Variants in OR6C1 observed in about 807,000 individuals in gnomAD.
The protein encoded by OR6C1 is olfactory receptor 6C1.
For missense variants in OR6C1, 386 were observed against 366.1 expected (o/e 1.05, Z -0.44); for synonymous variants, 157 against 133.3 (o/e 1.18, Z -1.22).
intron 1 of OR6C1, among the ~76,000 whole-genome samples, chr12:55,320,126 G>A (rs561504119): frequency 5.9e-5 from 9 of 152,188 alleles, no homozygotes; most frequent in Non-Finnish European, 1.2e-4. Context: ...GGGTGACAGA[G>A]TGAGACTCCA....
Position 55,320,572 on chromosome 12 carries a change from G to T in OR6C1, c.-28G>T. ...CTTTGTACTTTCTCTTGTAGGTCTG[G>T]CAGGGGAAAAAAGAAAGCAACTGAA... is the stretch of plus-strand genomic sequence containing the variant. On this transcript the variant is annotated 5_prime_UTR_variant, in exon 2 of 2. Coordinates refer to ENST00000642104, the MANE Select transcript of OR6C1 (RefSeq NM_001005182.2). 1.5e-6 allele frequency: 2 copies of T among 1,318,730 alleles called. No homozygotes were observed. Among genetic ancestry groups the T allele is most frequent in the African/African-American group, 2.9e-5 (2 of 68,800 alleles). The allele number at this position is 1,318,730 out of a possible 1,614,324, so 81.7% of individuals were successfully genotyped here.
At chr12:55,315,744 C>T (rs1305894653) in intron 1 of OR6C1, among the ~76,000 whole-genome samples, 1 of 151,572 alleles carries the variant, frequency 6.6e-6, no homozygotes, top group Non-Finnish European at 1.5e-5. Flanking sequence ...CAGAATTTCT[C>T]AAAGTAACCC....
rs771219666 is a variant in OR6C1 at position 55,321,422 on chromosome 12, C to T, written c.823C>T (p.Leu275=). The change falls in exon 2 of 2, where the codon CTA becomes TTA. Residue 275 remains leucine, a synonymous_variant. Transcript: ENST00000642104. ...GTCCTTGAGCAAGGGAGTGGCAATA[C>T]TAAACACCTCAGTAGCCCCCATGAT... ...RVSLSKGVAI[L]NTSVAPMMNP... The T allele has an allele frequency of 3.1e-6, 5 of 1,613,638 alleles. No individual in the cohort carries two copies. The highest frequency in any genetic ancestry group is 2.2e-5 in the East Asian group (1 of 44,874).
At chr12:55,320,501 GCTCCGTA>G (rs1342774078) in intron 1 of OR6C1, 59 bp from the exon 2 acceptor site, 1 of 722,162 alleles carries the variant, frequency 1.4e-6, no homozygotes, top group Admixed American at 2.7e-5. Flanking sequence ...CCAAACTCCA[GCTCCGTA>G]CTTGGATATT....
At chr12:55,319,034 C>T (rs546108940) in intron 1 of OR6C1, among the ~76,000 whole-genome samples, 1 of 152,036 alleles carries the variant, frequency 6.6e-6, no homozygotes, top group Admixed American at 6.5e-5. Context: ...TGAGGGCATC[C>T]TTCTCAAATT....
In OR6C1 at chr12:55,321,169, A is replaced by T; in HGVS notation, c.570A>T (p.Thr190=). The change falls in exon 2 of 2, where the codon ACA becomes ACT. Residue 190 remains threonine (T), a synonymous_variant. Coordinates refer to ENST00000642104, the MANE Select transcript of OR6C1 (RefSeq NM_001005182.2). ...TGCTGCAACTTGCTTGTTCAGACAC[A>T]AAATTCTTAGAGGTGATGGGATTTT... The part of the protein sequence containing the change: ...FPLLQLACSD[T]KFLEVMGFSC... 1 of 1,614,004 alleles carries T rather than the reference A, an allele frequency of 6.2e-7. No individual in the cohort carries two copies. Among genetic ancestry groups the T allele is most frequent in the Non-Finnish European group, 8.5e-7 (1 of 1,179,922 alleles).
intron 1 of OR6C1, among the ~76,000 whole-genome samples, chr12:55,319,323 A>G (rs1486443696): frequency 2.0e-5 from 3 of 152,184 alleles, no homozygotes; most frequent in African/African-American, 4.8e-5. Flanking sequence ...AAATCTGAAT[A>G]TTCACAAAAG....
At chr12:55,315,555 A>G (rs1868395195) in intron 1 of OR6C1, among the ~76,000 whole-genome samples, 1 of 151,810 alleles carries the variant, frequency 6.6e-6, no homozygotes. Flanking sequence ...ACTTGTATGA[A>G]GGTTGAGAAT....
At chr12:55,318,404 C>T (rs1031489624) in intron 1 of OR6C1, among the ~76,000 whole-genome samples, 1 of 151,616 alleles carries the variant, frequency 6.6e-6, no homozygotes, top group Non-Finnish European at 1.5e-5. Context: ...TTTCCTATTG[C>T]TTTGTTGTTA....
In OR6C1 at chr12:55,320,882, T is replaced by C. The variant is rs1487024031; in HGVS notation, c.283T>C (p.Cys95Arg). ...AGATAAAACCATTTCCTTTAATAAT[T>C]GCATAGTTCAGTTATTTTTCTTCAT... ...SGDKTISFNN[C>R]IVQLFFFILL... The change falls in exon 2 of 2, where the codon TGC (cysteine) becomes CGC (arginine). Residue 95 changes from cysteine to arginine, a missense_variant. Transcript: ENST00000642104. 6.2e-7 allele frequency: 1 copy of C among 1,614,066 alleles called. No homozygotes were observed. The highest frequency in any genetic ancestry group is 1.7e-5 in the Admixed American group (1 of 60,010).
intron 1 of OR6C1, among the ~76,000 whole-genome samples, chr12:55,317,420 T>C (rs1457360937): frequency 1.3e-5 from 2 of 152,050 alleles, no homozygotes; most frequent in African/African-American, 4.8e-5. Flanking sequence ...TCATATCTTT[T>C]GTTTTAAATT....
chr12:55,314,909 A>G (rs758746062), intron 1 of OR6C1, among the ~76,000 whole-genome samples: 8 of 151,654 alleles, frequency 5.3e-5, no homozygotes, highest in Non-Finnish European at 1.2e-4. Context: ...ATTAAGTTAT[A>G]TAATTTCTCT....
Position 55,320,744 on chromosome 12 carries a change from C to A in OR6C1, c.145C>A (p.Leu49Met). 3 of 1,614,094 alleles carry A rather than the reference C, an allele frequency of 1.9e-6. No individual in the cohort carries two copies. The highest frequency in any genetic ancestry group is 2.5e-6 in the Non-Finnish European group (3 of 1,179,982). The stretch of plus-strand genomic sequence containing the variant: ...CCTGACCCTTATCACAATTACCCTG[C>A]TGGATTCCCACCTGCAGACCCCCAT... ...GNLTLITITL[L>M]DSHLQTPMYF... is the part of the protein sequence containing the mutation. The change falls in exon 2 of 2, where the codon CTG (leucine) becomes ATG (methionine). Residue 49 changes from leucine (L) to methionine (M), a missense_variant. Transcript: ENST00000642104.
At chr12:55,316,360 A>G (rs753833518) in intron 1 of OR6C1, among the ~76,000 whole-genome samples, 2 of 151,874 alleles carry the variant, frequency 1.3e-5, no homozygotes, top group Non-Finnish European at 2.9e-5. Context: ...GATGCTTTGT[A>G]ACCATTTTAT....
rs761396049 is a variant in OR6C1, at chr12:55,321,516, CTG to C, written c.919_920del (p.Val307IlefsTer14). On this transcript the variant is annotated frameshift_variant, in exon 2 of 2. Transcript: ENST00000642104. LOFTEE classifies it high-confidence loss of function. ...GCTTTCATTAACATGGCAAGGAAGA[CTG>C]TATTTTTCACAAGCACATGAAATGG... 9.3e-6 allele frequency: 15 copies of C among 1,610,792 alleles called. No individual in the cohort carries two copies. Among genetic ancestry groups the C allele is most frequent in the Non-Finnish European group, 1.3e-5 (15 of 1,178,572 alleles).
chr12:55,321,830 C>T lies in OR6C1; in HGVS notation c.*292C>T, dbSNP rs1341983065. 5.3e-5 allele frequency: 12 copies of T among 227,688 alleles called. No individual in the cohort carries two copies. Among genetic ancestry groups the T allele is most frequent in the Non-Finnish European group, 9.4e-5 (11 of 116,432 alleles). The allele number at this position is 227,688 out of a possible 1,614,324, so 14.1% of individuals were successfully genotyped here. On this transcript the variant is annotated 3_prime_UTR_variant, in exon 2 of 2. Transcript: ENST00000642104. Reference sequence around the variant, plus strand: ...CAAGAAATAAAATTATACCTAGATACATTGGAATGGCTTTATAAATATCAA... The same window carrying T: ...CAAGAAATAAAATTATACCTAGATATATTGGAATGGCTTTATAAATATCAA...
chr12:55,320,625 A>C lies in OR6C1; in HGVS notation c.26A>C (p.Glu9Ala), dbSNP rs1868516514. The change falls in exon 2 of 2, where the codon GAG becomes GCG. Residue 9 changes from glutamate (E) to alanine (A), a missense_variant. Physicochemically the swap from Glu to Ala is moderately radical, Grantham distance 107 (BLOSUM62 -1). Coordinates refer to ENST00000642104, the MANE Select transcript of OR6C1 (RefSeq NM_001005182.2). MRNHTEITEFILLGLTDDP... is the reference protein window; with the variant it reads MRNHTEITAFILLGLTDDP... ...ATGAGAAACCATACAGAAATAACAG[A>C]GTTTATTCTTCTGGGATTAACAGAT... 6.3e-7 allele frequency: 1 copy of C among 1,586,494 alleles called. No homozygotes were observed. Among genetic ancestry groups the C allele is most frequent in the Middle Eastern group, 1.7e-4 (1 of 5,972 alleles).
At chr12:55,319,272 A>C (rs1868475396) in intron 1 of OR6C1, among the ~76,000 whole-genome samples, 1 of 152,192 alleles carries the variant, frequency 6.6e-6, no homozygotes, top group African/African-American at 2.4e-5. Flanking sequence ...GTAATGGCTT[A>C]AGTATTTCTG....
Position 55,321,706 on chromosome 12 carries a change from C to G in OR6C1, c.*168C>G. 2.3e-6 allele frequency: 1 copy of G among 439,410 alleles called. No individual in the cohort carries two copies. The highest frequency in any genetic ancestry group is 3.4e-5 in the East Asian group (1 of 29,260). 27.2% of individuals were successfully genotyped at this position (439,410 alleles called of 1,614,324 possible). A position where few individuals can be genotyped will look rare whatever the true frequency, so the allele number is the denominator to read the frequency against. ...TTCTCATTTGACTTAAAATAATTTT[C>G]TTGTGTCTTCCTGACACCCCCTCCT... On this transcript the variant is annotated 3_prime_UTR_variant, in exon 2 of 2. Coordinates refer to ENST00000642104, the MANE Select transcript of OR6C1 (RefSeq NM_001005182.2).
Sources: allele counts gnomAD v4.1 joint callset (sites outside exome capture counted in the v4.1 genomes callset), GRCh38; gene constraint gnomAD v4.1.1; transcripts MANE v1.5; gene names NCBI Gene and HGNC (gene_info 2026-07-23, HGNC 2026-07-21).